The following CNOT1 variants were observed in gnomAD, a reference collection of about 807,000 sequenced individuals.
CNOT1 encodes the protein CCR4-NOT transcription complex subunit 1.
A neutral mutation model predicts 273.8 loss-of-function variants in CNOT1; 15 were observed. The observed-to-expected ratio is 0.05, with a 90% CI of 0.04 to 0.08. The LOEUF (loss-of-function observed/expected upper bound fraction) is 0.08, where lower values mean the gene tolerates loss of function less well. CNOT1 is among the 10% of genes least tolerant of loss of function. The probability of loss-of-function intolerance (pLI) is 1.00; values close to 1 mark genes in which losing one functional copy is unlikely to be tolerated. For missense variants in CNOT1, 1,644 were observed against 2,912.2 expected, an observed-to-expected ratio of 0.56 and a Z score of 10.02; for synonymous variants, 1,022 against 1,005.5, an observed-to-expected ratio of 1.02 and a Z score of -0.31.
intron 46 of CNOT1, among the ~76,000 whole-genome samples, chr16:58,524,477 C>A (rs990164526): frequency 6.6e-6 from 1 of 151,908 alleles, no homozygotes; most frequent in Non-Finnish European, 1.5e-5. Context: ...AGCTCTTGGA[C>A]GTGATGGTAT....
chr16:58,564,523 T>C (rs1238633096), intron 16 of CNOT1, among the ~76,000 whole-genome samples: 1 of 152,176 alleles, frequency 6.6e-6, no homozygotes, highest in South Asian at 2.1e-4. Flanking sequence ...CCAATTGTAA[T>C]ATAAGACACA....
chr16:58,625,329 G>A (rs12598799), intron 1 of CNOT1, among the ~76,000 whole-genome samples: 59,167 of 151,970 alleles, frequency 0.39, 12,909 homozygotes, highest in African/African-American at 0.59. Flanking sequence ...CCTGACTAAC[G>A]TGGTGAAACC....
chr16:58,520,217 T>TAA lies in CNOT1; in HGVS notation c.*739_*740dup, dbSNP rs961760335. 4 of 147,642 alleles carry TAA rather than the reference T, an allele frequency of 2.7e-5. No homozygotes were observed. Among genetic ancestry groups the TAA allele is most frequent in the African/African-American group, 1.0e-4 (4 of 39,490 alleles). The allele number at this position is 147,642 out of a possible 1,614,324, so 9.1% of individuals were successfully genotyped here. ...CCCTTTCCTATATTCCCACTGTTTT[T>TAA]AAGTTTCAGGAGAGGATTGGGGGGG... On this transcript the variant is annotated 3_prime_UTR_variant, in exon 49 of 49. Coordinates refer to ENST00000317147, the MANE Select transcript of CNOT1 (RefSeq NM_016284.5).
At chr16:58,590,778 A>G (rs2042025671) in intron 2 of CNOT1, among the ~76,000 whole-genome samples, 1 of 152,196 alleles carries the variant, frequency 6.6e-6, no homozygotes, top group Non-Finnish European at 1.5e-5. Flanking sequence ...ATAAAAAATA[A>G]AACAAAAAAG....
At chr16:58,568,384 A>AG (rs143602451) in intron 16 of CNOT1, among the ~76,000 whole-genome samples, 6 of 146,132 alleles carry the variant, frequency 4.1e-5, no homozygotes, top group Admixed American at 2.1e-4. Flanking sequence ...AAAAAAAAAA[A>AG]TCTGTAAAGA....
intron 3 of CNOT1, among the ~76,000 whole-genome samples, chr16:58,588,441 G>A (rs1056400894): frequency 1.3e-5 from 2 of 152,092 alleles, no homozygotes; most frequent in Admixed American, 6.6e-5. Context: ...CAAGATTACT[G>A]TAAGAAACAG....
rs1025799342 is a variant in CNOT1 at position 58,599,457 on chromosome 16, T to C, written c.-120A>G. The C allele has an allele frequency of 1.2e-5, 15 of 1,223,108 alleles. No individual in the cohort carries two copies. Among genetic ancestry groups the C allele is most frequent in the East Asian group, 7.4e-5 (3 of 40,364 alleles). 75.8% of individuals were successfully genotyped at this position (1,223,108 alleles called of 1,614,324 possible). ...AATTAGGCTATATCTGGTATCTGTA[T>C]AATATCTTCAGTTCTTCTTTACCAG... On this transcript the variant is annotated 5_prime_UTR_variant, in exon 2 of 49. Transcript: ENST00000317147.
intron 1 of CNOT1, among the ~76,000 whole-genome samples, chr16:58,622,831 G>A (rs1203796220): frequency 1.4e-5 from 2 of 146,694 alleles, no homozygotes; most frequent in Non-Finnish European, 3.0e-5. Context: ...CAGGCGCCAA[G>A]AGTGAAACTC....
At position 58,555,507 on chromosome 16, in the gene CNOT1, A is replaced by C; in HGVS notation, c.2635T>G (p.Ser879Ala). Residue 879 changes from serine (S) to alanine (A), a missense_variant, in exon 21 of 49, where the codon TCT becomes GCT. By Grantham distance (99) the Ser-to-Ala change is moderately conservative. This residue lies in a region of CNOT1 where 74 missense variants were observed against 184.6 expected (regional missense o/e 0.40). Coordinates refer to ENST00000317147, the MANE Select transcript of CNOT1 (RefSeq NM_016284.5). ...VLEMLQRFKD[S>A]TIKREREVFN... ...ACTTCTCGTTCCCTCTTTATAGTAGAGTCTTTAAATCTCTGCAGCATTTCT... is the reference window on the plus strand; with the variant it reads ...ACTTCTCGTTCCCTCTTTATAGTAGCGTCTTTAAATCTCTGCAGCATTTCT... 6.2e-7 allele frequency: 1 copy of C among 1,613,902 alleles called. No homozygotes were observed.
At chr16:58,595,937 T>A (rs1411431923) in intron 2 of CNOT1, among the ~76,000 whole-genome samples, 1 of 152,142 alleles carries the variant, frequency 6.6e-6, no homozygotes, top group Non-Finnish European at 1.5e-5. Flanking sequence ...GTAAAAAGGA[T>A]AAAGGTTTTT....
intron 42 of CNOT1, among the ~76,000 whole-genome samples, chr16:58,531,736 G>A (rs900492761): frequency 1.3e-5 from 2 of 152,184 alleles, no homozygotes; most frequent in African/African-American, 4.8e-5. Context: ...GACACAGGTG[G>A]CCCACAACTG....
intron 2 of CNOT1, among the ~76,000 whole-genome samples, chr16:58,594,475 T>C (rs1027484243): frequency 6.6e-6 from 1 of 152,054 alleles, no homozygotes; most frequent in Non-Finnish European, 1.5e-5. Context: ...CACAACTTTG[T>C]GAATCTGAAA....
chr16:58,623,644 C>T (rs1418550266), intron 1 of CNOT1, among the ~76,000 whole-genome samples: 1 of 152,182 alleles, frequency 6.6e-6, no homozygotes, highest in Non-Finnish European at 1.5e-5. Flanking sequence ...GCGGCCCTTA[C>T]TTCTCCTACG....
At chr16:58,623,225 C>T (rs1234765247) in intron 1 of CNOT1, 1 of 152,004 alleles carries the variant, frequency 6.6e-6, no homozygotes, top group Non-Finnish European at 1.5e-5. Context: ...TTCCATCCCA[C>T]TTTTATATTT....
In CNOT1 at chr16:58,586,584, G is replaced by C. The variant is rs1393864493; in HGVS notation, c.598C>G (p.Gln200Glu). 32 of 1,612,014 alleles carry C rather than the reference G, an allele frequency of 2.0e-5. No individual in the cohort carries two copies. Among genetic ancestry groups the C allele is most frequent in the African/African-American group, 2.7e-5 (2 of 74,570 alleles). Residue 200 changes from glutamine to glutamate, a missense_variant, in exon 7 of 49, where the codon CAA becomes GAA. Transcript: ENST00000317147. ...FGQKGAFGVGQEQIDAFLKTL... is the reference protein window; with the variant it reads ...FGQKGAFGVGEEQIDAFLKTL... ...TTAAGAAAAGCGTCTATCTGTTCTT[G>C]TCCAACTCCAAAGGCTCCCTTCTGC...
At chr16:58,559,340 T>C (rs1288081857) in intron 17 of CNOT1, among the ~76,000 whole-genome samples, 2 of 152,180 alleles carry the variant, frequency 1.3e-5, no homozygotes. Flanking sequence ...AGTAGTGACA[T>C]GGGACACTTA....
intron 25 of CNOT1, chr16:58,548,660 T>C (rs1424652128): frequency 5.8e-6 from 3 of 515,462 alleles, no homozygotes; most frequent in African/African-American, 1.9e-5. Flanking sequence ...ACCCAAGTTA[T>C]TGAGCAAAGA....
intron 10 of CNOT1, 48 bp from the exon 11 acceptor site, chr16:58,581,563 T>G: frequency 6.7e-7 from 1 of 1,497,282 alleles, no homozygotes; most frequent in Non-Finnish European, 8.9e-7. Context: ...TGTGTATATT[T>G]TGATACATTA....
At chr16:58,617,893 T>C (rs2043150435) in intron 1 of CNOT1, among the ~76,000 whole-genome samples, 1 of 152,134 alleles carries the variant, frequency 6.6e-6, no homozygotes, top group Non-Finnish European at 1.5e-5. Flanking sequence ...CCTATAGTCT[T>C]AGCTACTTGG....
Sources: allele counts gnomAD v4.1 joint callset (sites outside exome capture counted in the v4.1 genomes callset), GRCh38; gene constraint gnomAD v4.1.1; regional missense constraint gnomAD v4.1.1; transcripts MANE v1.5; gene names NCBI Gene and HGNC (gene_info 2026-07-23, HGNC 2026-07-21).